Variants in PPIL6 observed in about 807,000 individuals in gnomAD.
PPIL6 encodes probable inactive peptidyl-prolyl cis-trans isomerase-like 6.
A neutral mutation model predicts 36.8 loss-of-function variants in PPIL6; 39 were observed. The ratio of observed to expected loss-of-function variants is 1.06; its 90% CI spans 0.82 to 1.38. PPIL6 has a LOEUF of 1.38. Among genes scored for constraint, PPIL6 ranks in the 40% most tolerant of loss-of-function variants. The probability of loss-of-function intolerance (pLI) is 0.00; values close to 1 mark genes in which losing one functional copy is unlikely to be tolerated. For synonymous variants in PPIL6, 123 were observed against 134.1 expected (o/e 0.92, Z 0.57); for missense variants, 368 against 379.1 (o/e 0.97, Z 0.24).
At chr6:109,399,390 T>TG (rs1192326088) in intron 7 of PPIL6, among the ~76,000 whole-genome samples, 2 of 151,378 alleles carry the variant, frequency 1.3e-5, no homozygotes, top group Non-Finnish European at 2.9e-5. Flanking sequence ...ATTACAGGTG[T>TG]GAGCCACTGC....
rs1489825755 is a variant in PPIL6, at chr6:109,391,311, A to G, written c.*1515T>C. On this transcript the variant is annotated 3_prime_UTR_variant, in exon 8 of 8. Transcript: ENST00000521072. Reference sequence around the variant, plus strand: ...TCAAAAAAAAAAAAAAAAAAAAAAAAAAAAAGAAAAGCACTCTTAGTCTGG... The same window carrying G: ...TCAAAAAAAAAAAAAAAAAAAAAAAGAAAAAGAAAAGCACTCTTAGTCTGG... 2.0e-5 allele frequency: 3 copies of G among 147,682 alleles called. No individual in the cohort carries two copies. The highest frequency in any genetic ancestry group is 8.2e-5 in the African/African-American group (3 of 36,794). The allele number at this position is 147,682 out of a possible 1,614,324, so 9.1% of individuals were successfully genotyped here.
At chr6:109,409,649 C>T (rs1562260510) in intron 6 of PPIL6, among the ~76,000 whole-genome samples, 1 of 151,214 alleles carries the variant, frequency 6.6e-6, no homozygotes, top group African/African-American at 2.4e-5. Flanking sequence ...AGACTCCACA[C>T]AAAAGTCTAT....
chr6:109,423,880 T>C (rs990946036), intron 5 of PPIL6, among the ~76,000 whole-genome samples: 5 of 152,348 alleles, frequency 3.3e-5, no homozygotes, highest in Non-Finnish European at 7.3e-5. Context: ...TCTTACACTC[T>C]CTTCCTTCTT....
chr6:109,402,461 A>C, intron 6 of PPIL6, among the ~76,000 whole-genome samples: 1 of 152,172 alleles, frequency 6.6e-6, no homozygotes, highest in South Asian at 2.1e-4. Context: ...GCTTGAACCC[A>C]GGAGGCGGAG....
chr6:109,396,854 G>T (rs1037843132), intron 7 of PPIL6, among the ~76,000 whole-genome samples: 7 of 151,942 alleles, frequency 4.6e-5, no homozygotes, highest in Non-Finnish European at 5.9e-5. Context: ...GCAGGTTCAT[G>T]TACCTGGAAA....
At chr6:109,412,973 C>T (rs552852161) in intron 6 of PPIL6, among the ~76,000 whole-genome samples, 2 of 152,134 alleles carry the variant, frequency 1.3e-5, no homozygotes, top group Admixed American at 1.3e-4. Flanking sequence ...GCCTGGCCAA[C>T]ATGGTGAAAC....
intron 3 of PPIL6, among the ~76,000 whole-genome samples, chr6:109,428,717 T>G (rs1001549289): frequency 2.0e-5 from 3 of 152,182 alleles, no homozygotes; most frequent in Non-Finnish European, 4.4e-5. Context: ...ATCTGGCATC[T>G]AGCAATGAAC....
Position 109,392,941 on chromosome 6 carries a change from C to T in PPIL6, c.825-4G>A, listed in dbSNP as rs1277182922. The T allele has an allele frequency of 6.4e-7, 1 of 1,562,966 alleles. No homozygotes were observed. The highest frequency in any genetic ancestry group is 8.7e-7 in the Non-Finnish European group (1 of 1,151,426). On this transcript the variant is annotated splice_polypyrimidine_tract_variant and splice_region_variant and intron_variant, in intron 7 of 7. Coordinates refer to ENST00000521072, the MANE Select transcript of PPIL6 (RefSeq NM_173672.5). ...TTCTGTTCCTTCAATCAGTTGCCTA[C>T]ATAGGAGAAAAAAATGGAAAATTTA...
At chr6:109,394,798 G>A (rs1772230974) in intron 7 of PPIL6, among the ~76,000 whole-genome samples, 2 of 152,250 alleles carry the variant, frequency 1.3e-5, no homozygotes, top group African/African-American at 4.8e-5. Context: ...CACAGGGACT[G>A]TTCTTGGAGT....
At chr6:109,420,762 T>C (rs932018224) in intron 5 of PPIL6, among the ~76,000 whole-genome samples, 9 of 152,310 alleles carry the variant, frequency 5.9e-5, no homozygotes, top group African/African-American at 2.2e-4. Flanking sequence ...GTATGAGCAA[T>C]TTACCTACAA....
chr6:109,425,343 A>C (rs1773757128), intron 5 of PPIL6, among the ~76,000 whole-genome samples: 2 of 152,208 alleles, frequency 1.3e-5, no homozygotes, highest in South Asian at 4.1e-4. Flanking sequence ...ACTATTTGGA[A>C]ATTTTACTTT....
rs534282486 is a variant in PPIL6, at chr6:109,407,873, G to C, written c.689-7703C>G. Among the ~76,000 whole-genome samples the C allele has an allele frequency of 2.0e-5, 3 of 152,108 alleles. No homozygotes were observed. In the East Asian group the frequency reaches 5.8e-4, roughly 30 times the overall value. ...GGGGTCTTGCTATGTTGCCCAGGCTGGTCTCAAGCTTCTGGGCTCAAGCAA... is the reference window on the plus strand; with the variant it reads ...GGGGTCTTGCTATGTTGCCCAGGCTCGTCTCAAGCTTCTGGGCTCAAGCAA... On this transcript the variant is annotated intron_variant, in intron 6 of 7. Transcript: ENST00000521072.
chr6:109,410,713 C>T (rs1772980174), intron 6 of PPIL6, among the ~76,000 whole-genome samples: 1 of 152,156 alleles, frequency 6.6e-6, no homozygotes, highest in African/African-American at 2.4e-5. Context: ...CCCTGTGATG[C>T]TCTGATTCAA....
At chr6:109,412,777 A>T (rs964706904) in intron 6 of PPIL6, among the ~76,000 whole-genome samples, 3 of 152,242 alleles carry the variant, frequency 2.0e-5, no homozygotes, top group African/African-American at 7.2e-5. Flanking sequence ...TCAAACTATG[A>T]AACTACTACA....
Position 109,430,440 on chromosome 6 carries a change from T to A in PPIL6, c.420+717A>T, listed in dbSNP as rs564180714. On this transcript the variant is annotated intron_variant, in intron 3 of 7. Transcript: ENST00000521072. ...CTAACTATGTGTTCATGCTTTTTTT[T>A]TTTTTTGAGACGGAGTCTCGCTCTG... Among the ~76,000 whole-genome samples, 361 of 152,250 alleles carry A rather than the reference T, an allele frequency of 2.4e-3. 1 individual carries two copies. The highest frequency in any genetic ancestry group is 8.5e-3 in the African/African-American group (352 of 41,544).
intron 5 of PPIL6, 91 bp from the exon 6 acceptor site, chr6:109,419,334 T>C: frequency 2.4e-6 from 2 of 838,220 alleles, no homozygotes; most frequent in South Asian, 3.0e-5. Flanking sequence ...CTTTCAATGA[T>C]GATTTCAAGG....
intron 6 of PPIL6, among the ~76,000 whole-genome samples, chr6:109,408,037 T>C (rs1772872312): frequency 6.7e-6 from 1 of 150,320 alleles, no homozygotes. Flanking sequence ...AAGGTCTCTC[T>C]TATTATTAAT....
At chr6:109,402,717 GT>G (rs1476668091) in intron 6 of PPIL6, among the ~76,000 whole-genome samples, 7 of 152,120 alleles carry the variant, frequency 4.6e-5, no homozygotes, top group Admixed American at 1.3e-4. Context: ...CTGAAAAAAA[GT>G]GTGAAAACTA....
intron 1 of PPIL6, among the ~76,000 whole-genome samples, chr6:109,439,607 G>A (rs574005438): frequency 1.3e-5 from 2 of 152,348 alleles, no homozygotes. Context: ...AAAGTGCTGA[G>A]ATTATAGGCG....
Sources: gnomAD v4.1 joint callset for allele counts (sites outside exome capture counted in the v4.1 genomes callset) on GRCh38, gnomAD v4.1.1 for gene constraint, MANE v1.5 for transcripts, NCBI Gene and HGNC (gene_info 2026-07-23, HGNC 2026-07-21) for gene names.